The following SHPRH variants were observed in gnomAD, a reference collection of about 807,000 sequenced individuals.
SHPRH encodes the protein E3 ubiquitin-protein ligase SHPRH.
SHPRH carries 106 observed loss-of-function variants against 202.5 expected under a neutral mutation model. The ratio of observed to expected loss-of-function variants is 0.52; its 90% CI spans 0.45 to 0.62. The LOEUF is 0.62. Among genes scored for constraint, SHPRH ranks in the 20% least tolerant of loss-of-function variants. SHPRH has a pLI of 0.00. For synonymous variants in SHPRH, 729 were observed against 686.0 expected, an observed-to-expected ratio of 1.06 and a Z score of -0.98; for missense variants, 1,710 against 2,020.0, an observed-to-expected ratio of 0.85 and a Z score of 2.94.
intron 15 of SHPRH, 41 bp from the exon 16 acceptor site, chr6:145,926,337 A>C: frequency 6.5e-7 from 1 of 1,544,582 alleles, no homozygotes; most frequent in South Asian, 1.1e-5. Context: ...CAGTCAATGC[A>C]GAAGACTCTG....
At chr6:145,904,741 T>C (rs1782800673) in intron 25 of SHPRH, 1 of 152,022 alleles carries the variant, frequency 6.6e-6, no homozygotes. Context: ...TAGTCTTATG[T>C]TTAAGAAAAG....
chr6:145,908,993 T>G (rs1783231031), intron 25 of SHPRH: 1 of 152,184 alleles, frequency 6.6e-6, no homozygotes, highest in Non-Finnish European at 1.5e-5. Flanking sequence ...CCAGCCCCAT[T>G]TACCCAATAG....
chr6:145,913,871 G>C (rs944075055), intron 23 of SHPRH, among the ~76,000 whole-genome samples: 3 of 152,054 alleles, frequency 2.0e-5, no homozygotes, highest in African/African-American at 7.2e-5. Flanking sequence ...CAAGGTAAAT[G>C]TTCACTGGAG....
rs571888776 is a variant in SHPRH, at chr6:145,897,767, A to G, written c.4516-2790T>C. ...AATGTGATACACCACAGAATAAAGG[A>G]AAAAAATGATCATCTCAATATATGC... On this transcript the variant is annotated intron_variant, in intron 25 of 29. Transcript: ENST00000275233. 1.8e-4 allele frequency among the ~76,000 whole-genome samples: 27 copies of G among 151,154 alleles called. No homozygotes were observed. In the South Asian group the frequency reaches 5.6e-3, roughly 31 times the overall value.
At chr6:145,889,320 C>T (rs1781385718) in intron 28 of SHPRH, among the ~76,000 whole-genome samples, 1 of 152,034 alleles carries the variant, frequency 6.6e-6, no homozygotes, top group South Asian at 2.1e-4. Context: ...AGAAAATCAA[C>T]CAGACAGGTT....
At position 145,955,266 on chromosome 6, in the gene SHPRH, C is replaced by G; in HGVS notation, c.57G>C (p.Gln19His). The change falls in exon 2 of 30, where the codon CAG becomes CAC. Residue 19 changes from glutamine (Q) to histidine (H), a missense_variant. Gln to His is a conservative substitution (Grantham distance 24, BLOSUM62 0). Coordinates refer to ENST00000275233, the MANE Select transcript of SHPRH (RefSeq NM_001042683.3). ...CCTCATGCATATTCCAATGAAGCTG[C>G]TGCCTCTTTTCCTCATCTACCCTCA... ...PPVRVDEEKRQQLHWNMHEDR... is the reference protein window; with the variant it reads ...PPVRVDEEKRHQLHWNMHEDR... 1 of 1,611,786 alleles carries G rather than the reference C, an allele frequency of 6.2e-7. No individual in the cohort carries two copies.
chr6:145,879,296 T>C (rs1268183270), intron 2 of SHPRH, among the ~76,000 whole-genome samples: 1 of 152,154 alleles, frequency 6.6e-6, no homozygotes, highest in Non-Finnish European at 1.5e-5. Context: ...TTTCTCTGTT[T>C]ACTAACTTTA....
At chr6:145,876,493 TGTATAA>T (rs1158011211) in intron 2 of SHPRH, among the ~76,000 whole-genome samples, 5 of 152,232 alleles carry the variant, frequency 3.3e-5, no homozygotes, top group Non-Finnish European at 7.3e-5. Flanking sequence ...TGTTGTAGCA[TGTATAA>T]GTATTTCATT....
rs1229310932 is a variant in SHPRH, at chr6:145,945,269, T to A, written c.1578+112A>T. The A allele has an allele frequency of 8.5e-6, 11 of 1,297,740 alleles. No individual in the cohort carries two copies. In the East Asian group the frequency reaches 2.2e-4, roughly 26 times the overall value. The allele number at this position is 1,297,740 out of a possible 1,614,324, so 80.4% of individuals were successfully genotyped here. ...TTACAGATATAAGTACTTTTCCTAT[T>A]TTTTTATCTTCAGATCGTAAGAGTT... On this transcript the variant is annotated intron_variant, in intron 8 of 29. Coordinates refer to ENST00000275233, the MANE Select transcript of SHPRH (RefSeq NM_001042683.3).
chr6:145,935,676 C>T (rs1785989800), intron 11 of SHPRH: 5 of 450,702 alleles, frequency 1.1e-5, no homozygotes, highest in Admixed American at 7.2e-5. Flanking sequence ...TGCAACCATT[C>T]ATTACATACA....
At chr6:145,945,080 G>A (rs906630746) in intron 8 of SHPRH, among the ~76,000 whole-genome samples, 1 of 151,980 alleles carries the variant, frequency 6.6e-6, no homozygotes, top group Non-Finnish European at 1.5e-5. Context: ...AAATAATACA[G>A]AAGATGCTTT....
At chr6:145,919,197 A>ATTTTG (rs1784211603) in intron 22 of SHPRH, 151 bp downstream of exon 22, 2 of 1,166,256 alleles carry the variant, frequency 1.7e-6, no homozygotes, top group African/African-American at 1.6e-5. Flanking sequence ...TTTGGTCTAT[A>ATTTTG]AAGACAATTT....
chr6:145,960,723 A>T (rs1332726170), intron 1 of SHPRH, among the ~76,000 whole-genome samples: 1 of 152,180 alleles, frequency 6.6e-6, no homozygotes. Context: ...TTTAAGTACA[A>T]CAGCAGTACT....
chr6:145,882,755 G>C, downstream of SHPRH, among the ~76,000 whole-genome samples: 1 of 152,106 alleles, frequency 6.6e-6, no homozygotes. Context: ...AAAGAATTAG[G>C]GACATGATGC....
intron 25 of SHPRH, among the ~76,000 whole-genome samples, chr6:145,899,747 A>C (rs1342325779): frequency 3.3e-5 from 5 of 152,166 alleles, no homozygotes; most frequent in African/African-American, 1.2e-4. Flanking sequence ...AATATCTGCA[A>C]ACCACACATG....
chr6:145,952,880 C>A (rs1184180014), intron 2 of SHPRH, among the ~76,000 whole-genome samples: 1 of 152,042 alleles, frequency 6.6e-6, no homozygotes, highest in African/African-American at 2.4e-5. Context: ...TAGGTTTGGG[C>A]ATCCTCATTA....
At chr6:145,928,391 AAAAAAAGG>A (rs879560688) in intron 14 of SHPRH, among the ~76,000 whole-genome samples, 6,028 of 151,982 alleles carry the variant, frequency 0.04, 397 homozygotes, top group African/African-American at 0.13. Flanking sequence ...AATCCATACC[AAAAAAAGG>A]TACAAGATGT....
At chr6:145,888,124 A>G in intron 28 of SHPRH, 24 bp from the exon 29 acceptor site, 2 of 1,548,096 alleles carry the variant, frequency 1.3e-6, no homozygotes, top group Non-Finnish European at 1.8e-6. Flanking sequence ...AAGAATTTTA[A>G]GCTTAAAAAC....
chr6:145,950,554 G>C, intron 3 of SHPRH, 72 bp from the exon 4 acceptor site: 3 of 1,449,102 alleles, frequency 2.1e-6, no homozygotes, highest in Non-Finnish European at 2.9e-6. Flanking sequence ...CTTATTCTAA[G>C]AGCATACAAT....
Sources: allele counts gnomAD v4.1 joint callset (sites outside exome capture counted in the v4.1 genomes callset), GRCh38; gene constraint gnomAD v4.1.1; transcripts MANE v1.5; gene names NCBI Gene and HGNC (gene_info 2026-07-23, HGNC 2026-07-21).